The following SARDH variants were observed in gnomAD, a reference collection of about 807,000 sequenced individuals.
The protein encoded by SARDH is sarcosine dehydrogenase, mitochondrial.
SARDH carries 95 observed loss-of-function variants against 109.1 expected under a neutral mutation model. That is an observed-to-expected ratio of 0.87 (90% CI 0.74 to 1.03). The LOEUF is 1.03. Ranked by LOEUF, SARDH falls within the 50% of genes least tolerant of loss-of-function variation. The probability of loss-of-function intolerance (pLI) is 0.00; values close to 1 mark genes in which losing one functional copy is unlikely to be tolerated. For synonymous variants in SARDH, 572 were observed against 534.8 expected (o/e 1.07, Z -0.96); for missense variants, 1,267 against 1,287.8 (o/e 0.98, Z 0.25).
At position 133,686,267 on chromosome 9, in the gene SARDH, G is replaced by A. The variant is rs1830882556; in HGVS notation, c.2070-981C>T. ...CGCAAGTACCGGAGACCTCACTGGA[G>A]CCAACACCCATGGTCTCCCAGGAAG... On this transcript the variant is annotated intron_variant, in intron 16 of 20. Transcript: ENST00000439388. This position sits in a 1 kb window ranked among gnomAD's most constrained non-coding sequence, Gnocchi z 4.0. Among the ~76,000 whole-genome samples the A allele has an allele frequency of 6.6e-6, 1 of 152,134 alleles. No individual in the cohort carries two copies. The highest frequency in any genetic ancestry group is 2.4e-5 in the African/African-American group (1 of 41,506).
In SARDH at chr9:133,692,634, A is replaced by AC. The variant is rs1451138260; in HGVS notation, c.1921+1623dup. 6.6e-6 allele frequency among the ~76,000 whole-genome samples: 1 copy of AC among 151,948 alleles called. No homozygotes were observed. The highest frequency in any genetic ancestry group is 2.4e-5 in the African/African-American group (1 of 41,360). Reference sequence around the variant, plus strand: ...CCTTGCATGTCCCCCTCCAGGTGTTACGGGGCCCTTCCTGCCCCCGTCTGG... The same window carrying AC: ...CCTTGCATGTCCCCCTCCAGGTGTTACCGGGGCCCTTCCTGCCCCCGTCTGG... On this transcript the variant is annotated intron_variant, in intron 15 of 20. Transcript: ENST00000439388. This position sits in a 1 kb window ranked among gnomAD's most constrained non-coding sequence, Gnocchi z 5.0.
At chr9:133,685,117 C>A (rs1013686668) in intron 17 of SARDH, 76 bp downstream of exon 17, 3 of 1,281,744 alleles carry the variant, frequency 2.3e-6, no homozygotes, top group African/African-American at 1.5e-5. Flanking sequence ...GAGCCCCCAG[C>A]CCCCAGATCC....
chr9:133,715,030 A>C (rs1002838784), intron 8 of SARDH, among the ~76,000 whole-genome samples: 4 of 152,208 alleles, frequency 2.6e-5, no homozygotes, highest in African/African-American at 9.6e-5. Context: ...TCCAGGCAAC[A>C]TGGCCAGGGG....
At position 133,704,273 on chromosome 9, in the gene SARDH, G is replaced by C. The variant is rs1488191864; in HGVS notation, c.1554+675C>G. ...GATGGAAGGTGGGTGCACCAGAGGGGACTGGTGAGACGCAGCCCCGGGAAG... is the reference window on the plus strand; with the variant it reads ...GATGGAAGGTGGGTGCACCAGAGGGCACTGGTGAGACGCAGCCCCGGGAAG... On this transcript the variant is annotated intron_variant, in intron 12 of 20. Coordinates refer to ENST00000439388, the MANE Select transcript of SARDH (RefSeq NM_001134707.2). This position sits in a 1 kb window ranked among gnomAD's most constrained non-coding sequence, Gnocchi z 4.5. Among the ~76,000 whole-genome samples, 2 of 152,160 alleles carry C rather than the reference G, an allele frequency of 1.3e-5. No homozygotes were observed. Among genetic ancestry groups the C allele is most frequent in the African/African-American group, 4.8e-5 (2 of 41,428 alleles).
In SARDH at chr9:133,718,099, T is replaced by C. The variant is rs112691401; in HGVS notation, c.1021-644A>G. The stretch of plus-strand genomic sequence containing the variant: ...TTGTTTGTTTGTTTGTTTGTAACAG[T>C]CTCACTCTGTCACCCAGGCTGGAGT... On this transcript the variant is annotated intron_variant, in intron 7 of 20. Transcript: ENST00000439388. The surrounding 1 kb of genome is among the most constrained non-coding windows in gnomAD (Gnocchi z 4.2). Among the ~76,000 whole-genome samples, 75 of 152,324 alleles carry C rather than the reference T, an allele frequency of 4.9e-4. No homozygotes were observed. The highest frequency in any genetic ancestry group is 1.7e-3 in the African/African-American group (71 of 41,572).
chr9:133,690,589 G>A (rs1831056565), intron 15 of SARDH, 62 bp from the exon 16 acceptor site: 12 of 1,563,258 alleles, frequency 7.7e-6, no homozygotes, highest in Non-Finnish European at 9.5e-6. Context: ...GGGACAGAGA[G>A]GGTGGCCCAA....
chr9:133,719,035 G>T lies in SARDH; in HGVS notation c.923C>A (p.Pro308His). ...TERIEGIQNM[P>H]NVRDHDASVY... The stretch of plus-strand genomic sequence containing the variant: ...AGAGGCATCATGATCACGGACATTG[G>T]GCATGTTCTGGAAGGCAGAGAGAGA... The change falls in exon 7 of 21, where the codon CCC (proline) becomes CAC (histidine). Residue 308 changes from proline to histidine, a missense_variant. By Grantham distance (77) the Pro-to-His change is moderately conservative (BLOSUM62 -2). Coordinates refer to ENST00000439388, the MANE Select transcript of SARDH (RefSeq NM_001134707.2). 1 of 1,614,008 alleles carries T rather than the reference G, an allele frequency of 6.2e-7. No homozygotes were observed. The highest frequency in any genetic ancestry group is 1.1e-5 in the South Asian group (1 of 91,064).
At chr9:133,688,680 T>C (rs1042096073) in intron 16 of SARDH, among the ~76,000 whole-genome samples, 1 of 152,228 alleles carries the variant, frequency 6.6e-6, no homozygotes, top group Non-Finnish European at 1.5e-5. Flanking sequence ...CCAGCCTCAA[T>C]GCGTGCCTCA....
chr9:133,733,883 C>T lies in SARDH; in HGVS notation c.291G>A (p.Glu97=). Residue 97 remains glutamate, a synonymous_variant, in exon 2 of 21, where the codon GAG becomes GAA. Transcript: ENST00000439388. ...TGGTCCCGGAGGTCAGCCGCTCCCG[C>T]TCCAGCAGCACCGCCCCACTCATGC... The part of the protein sequence containing the change: ...KLGMSGAVLL[E]RERLTSGTTW... The T allele has an allele frequency of 6.7e-6, 10 of 1,502,474 alleles. No homozygotes were observed. The highest frequency in any genetic ancestry group is 8.0e-6 in the Non-Finnish European group (9 of 1,126,002). The allele number at this position is 1,502,474 out of a possible 1,614,324, so 93.1% of individuals were successfully genotyped here.
In SARDH at chr9:133,718,889, A is replaced by G; in HGVS notation, c.1020+49T>C. 2 of 1,400,260 alleles carry G rather than the reference A, an allele frequency of 1.4e-6. No individual in the cohort carries two copies. The highest frequency in any genetic ancestry group is 2.0e-6 in the Non-Finnish European group (2 of 985,964). The allele number at this position is 1,400,260 out of a possible 1,614,324, so 86.7% of individuals were successfully genotyped here. On this transcript the variant is annotated intron_variant, in intron 7 of 20. Coordinates refer to ENST00000439388, the MANE Select transcript of SARDH (RefSeq NM_001134707.2). This position sits in a 1 kb window ranked among gnomAD's most constrained non-coding sequence, Gnocchi z 4.2. The stretch of plus-strand genomic sequence containing the variant: ...CCTGAAAGAGGCCCTCTCCATGCTG[A>G]GATGCAGCCCCAACTCCCTCCCATT...
chr9:133,711,147 G>A (rs1228457005), intron 10 of SARDH, among the ~76,000 whole-genome samples: 5 of 152,254 alleles, frequency 3.3e-5, no homozygotes, highest in African/African-American at 1.2e-4. Flanking sequence ...GCCAGCCCAT[G>A]AGCAAACATC....
rs1417962900 is a variant in SARDH, at chr9:133,663,998, A to C, written c.2648T>G (p.Val883Gly). 4 of 1,614,040 alleles carry C rather than the reference A, an allele frequency of 2.5e-6. No homozygotes were observed. The African/African-American group carries it at 5.3e-5, about 22-fold the overall frequency. Residue 883 changes from valine to glycine, a missense_variant, in exon 21 of 21, where the codon GTG (valine) becomes GGG (glycine). Transcript: ENST00000439388. ...PSGGPVSLDFVKSGDYALERM... is the reference protein window; with the variant it reads ...PSGGPVSLDFGKSGDYALERM... ...CTCCAGGGCATAGTCCCCGCTCTTC[A>C]CAAAGTCCAGCGAGACCTAGGAGCA...
In SARDH at chr9:133,693,766, C is replaced by G. The variant is rs1187037280; in HGVS notation, c.1921+492G>C. 6.6e-6 allele frequency among the ~76,000 whole-genome samples: 1 copy of G among 152,176 alleles called. No individual in the cohort carries two copies. The highest frequency in any genetic ancestry group is 1.5e-5 in the Non-Finnish European group (1 of 68,032). On this transcript the variant is annotated intron_variant, in intron 15 of 20. Coordinates refer to ENST00000439388, the MANE Select transcript of SARDH (RefSeq NM_001134707.2). The surrounding 1 kb of genome is among the most constrained non-coding windows in gnomAD (Gnocchi z 5.6). ...TGAGCTACCTGTCCCTGAGGGTATG[C>G]AAGCAGACATGGTGGGACTGCAGCA... is the stretch of plus-strand genomic sequence containing the variant.
chr9:133,700,276 G>A (rs927420259), intron 13 of SARDH, among the ~76,000 whole-genome samples: 2 of 151,796 alleles, frequency 1.3e-5, no homozygotes, highest in Non-Finnish European at 1.5e-5. Flanking sequence ...GCAGTGAGCC[G>A]AATTGCACCC....
At chr9:133,697,902 A>C (rs1831339948) in intron 13 of SARDH, among the ~76,000 whole-genome samples, 1 of 151,984 alleles carries the variant, frequency 6.6e-6, no homozygotes, top group Non-Finnish European at 1.5e-5. Context: ...CAGGGCAATT[A>C]GGCAGGAAAA....
At position 133,713,030 on chromosome 9, in the gene SARDH, G is replaced by T. The variant is rs774569402; in HGVS notation, c.1237+8C>A. 3 of 1,607,698 alleles carry T rather than the reference G, an allele frequency of 1.9e-6. No homozygotes were observed. The Admixed American group carries it at 5.1e-5, about 27-fold the overall frequency. ...TTGGGGGCCAGGAGGGCTGCTGCCC[G>T]GACTCACCTGCGCTGTTGAAGCCAC... On this transcript the variant is annotated splice_region_variant and intron_variant, in intron 9 of 20. Transcript: ENST00000439388.
At chr9:133,660,458 T>C (rs1159879711), downstream of SARDH, among the ~76,000 whole-genome samples, 8 of 152,084 alleles carry the variant, frequency 5.3e-5, no homozygotes, top group Admixed American at 5.2e-4. Context: ...CTAAAATAAG[T>C]TCCTTATTTA....
At position 133,671,489 on chromosome 9, in the gene SARDH, C is replaced by A. The variant is rs768930932; in HGVS notation, c.2326+46G>T. ...CAGGTGTCTCGAGCGTCACTGCCCC[C>A]CACTGCGCCCGCCCCCGCCCCGTGC... is the stretch of plus-strand genomic sequence containing the variant. On this transcript the variant is annotated intron_variant, in intron 18 of 20. Transcript: ENST00000439388. 12 of 1,516,452 alleles carry A rather than the reference C, an allele frequency of 7.9e-6. No individual in the cohort carries two copies. In the South Asian group the frequency reaches 1.3e-4, roughly 16 times the overall value. 93.9% of individuals were successfully genotyped at this position (1,516,452 alleles called of 1,614,324 possible). A position where few individuals can be genotyped will look rare whatever the true frequency, so the allele number is the denominator to read the frequency against.
chr9:133,736,036 G>A (rs1338450448), intron 1 of SARDH, among the ~76,000 whole-genome samples: 5 of 135,532 alleles, frequency 3.7e-5, no homozygotes, highest in East Asian at 2.1e-4. Flanking sequence ...GTGAAACTCC[G>A]TCTCAAAAAA....
Sources: allele counts gnomAD v4.1 joint callset (sites outside exome capture counted in the v4.1 genomes callset), GRCh38; gene constraint gnomAD v4.1.1; non-coding constraint Gnocchi (gnomAD v3.1); transcripts MANE v1.5; gene names NCBI Gene and HGNC (gene_info 2026-07-23, HGNC 2026-07-21).